OSBPL5: variants seen among roughly 807,000 people sequenced by gnomAD.
OSBPL5 encodes oxysterol-binding protein-related protein 5.
A neutral mutation model predicts 111.2 loss-of-function variants in OSBPL5; 71 were observed. The observed-to-expected ratio is 0.64, with a 90% CI of 0.53 to 0.78. The LOEUF is 0.78. OSBPL5 is among the 30% of genes least tolerant of loss of function. OSBPL5 has a pLI of 0.00. For synonymous variants in OSBPL5, 549 were observed against 513.9 expected, an observed-to-expected ratio of 1.07 and a Z score of -0.93; for missense variants, 1,210 against 1,189.3, an observed-to-expected ratio of 1.02 and a Z score of -0.26.
At chr11:3,132,875 C>T (rs11025546) in intron 1 of OSBPL5, among the ~76,000 whole-genome samples, 10,869 of 152,302 alleles carry the variant, frequency 0.071, 438 homozygotes, top group Admixed American at 0.096. Context: ...GCAGCCAAGG[C>T]AGGGACACGC....
Position 3,093,540 on chromosome 11 carries a change from G to C in OSBPL5, c.1933C>G (p.Leu645Val). 2 of 1,609,766 alleles carry C rather than the reference G, an allele frequency of 1.2e-6. No individual in the cohort carries two copies. Among genetic ancestry groups the C allele is most frequent in the East Asian group, 4.5e-5 (2 of 44,870 alleles). ...GACAGGCCTCACCTCTCGGACTCCA[G>C]CTCCGTCTGCTCCTCCAGCGGCACC... ...HTVPLEEQTE[L>V]ESERLWQHVT... The change falls in exon 17 of 22, where the codon CTG becomes GTG. Residue 645 changes from leucine (L) to valine (V), a missense_variant. Physicochemically the swap from Leu to Val is conservative, Grantham distance 32. Transcript: ENST00000263650.
At chr11:3,099,793 G>A (rs1357479996) in intron 14 of OSBPL5, among the ~76,000 whole-genome samples, 1 of 152,096 alleles carries the variant, frequency 6.6e-6, no homozygotes, top group Non-Finnish European at 1.5e-5. Flanking sequence ...GCGAGGCTGG[G>A]CGCGGTGGCT....
intron 7 of OSBPL5, among the ~76,000 whole-genome samples, chr11:3,119,279 G>T (rs1233861271): frequency 6.6e-6 from 1 of 152,216 alleles, no homozygotes; most frequent in Non-Finnish European, 1.5e-5. Flanking sequence ...CCAAAGTGCT[G>T]GGATTACAGG....
intron 1 of OSBPL5, among the ~76,000 whole-genome samples, chr11:3,133,588 A>G (rs1167468150): frequency 6.6e-6 from 1 of 152,104 alleles, no homozygotes; most frequent in Non-Finnish European, 1.5e-5. Context: ...CCCTGACACC[A>G]GCAGCACCTT....
intron 10 of OSBPL5, 56 bp from the exon 11 acceptor site, chr11:3,103,376 C>T: frequency 6.7e-7 from 1 of 1,492,450 alleles, no homozygotes; most frequent in Non-Finnish European, 9.1e-7. Flanking sequence ...GGCCACCCTC[C>T]CTTTCCCTGA....
intron 7 of OSBPL5, among the ~76,000 whole-genome samples, chr11:3,112,669 C>T (rs1447097153): frequency 6.6e-6 from 1 of 152,100 alleles, no homozygotes; most frequent in Non-Finnish European, 1.5e-5. Flanking sequence ...TCAGTGTGGG[C>T]TCTTCCCAGA....
chr11:3,156,499 C>T (rs970874571), intron 1 of OSBPL5, among the ~76,000 whole-genome samples: 5 of 152,102 alleles, frequency 3.3e-5, no homozygotes, highest in Admixed American at 6.5e-5. Flanking sequence ...GCCCAAAGCC[C>T]GCCTGGGAGT....
intron 7 of OSBPL5, among the ~76,000 whole-genome samples, chr11:3,114,621 CAG>C (rs959780082): frequency 4.9e-5 from 3 of 60,732 alleles, no homozygotes; most frequent in Admixed American, 2.4e-4. Flanking sequence ...TTTTTTTAGA[CAG>C]AGTCTCGCTC....
intron 1 of OSBPL5, among the ~76,000 whole-genome samples, chr11:3,132,149 G>A (rs1425651139): frequency 2.0e-5 from 3 of 151,794 alleles, no homozygotes; most frequent in African/African-American, 4.8e-5. Context: ...CTCACACTCA[G>A]ACACATCTGA....
intron 14 of OSBPL5, among the ~76,000 whole-genome samples, chr11:3,097,023 G>A (rs1252914466): frequency 1.7e-4 from 3 of 17,830 alleles, no homozygotes; most frequent in East Asian, 1.5e-3. Flanking sequence ...GACGGGAGGG[G>A]GAGGAGAGGA....
Position 3,105,915 on chromosome 11 carries a change from T to G in OSBPL5, c.1059+1348A>C, listed in dbSNP as rs978733569. Among the ~76,000 whole-genome samples the G allele has an allele frequency of 6.6e-6, 1 of 152,174 alleles. No homozygotes were observed. The highest frequency in any genetic ancestry group is 1.5e-5 in the Non-Finnish European group (1 of 68,026). Reference sequence around the variant, plus strand: ...CCTGAGTCTGCCCACTTCTCCCTTCTCCATCACAGCTGGGTCCAGGGTGTC... The same window carrying G: ...CCTGAGTCTGCCCACTTCTCCCTTCGCCATCACAGCTGGGTCCAGGGTGTC... On this transcript the variant is annotated intron_variant, in intron 9 of 21. Transcript: ENST00000263650. This position sits in a 1 kb window ranked among gnomAD's most constrained non-coding sequence, Gnocchi z 5.2.
At position 3,141,032 on chromosome 11, in the gene OSBPL5, A is replaced by C. The variant is rs570472890; in HGVS notation, c.-21-11863T>G. Among the ~76,000 whole-genome samples, 48 of 152,190 alleles carry C rather than the reference A, an allele frequency of 3.2e-4. No individual in the cohort carries two copies. Among genetic ancestry groups the C allele is most frequent in the Non-Finnish European group, 5.6e-4 (38 of 68,014 alleles). On this transcript the variant is annotated intron_variant, in intron 1 of 21. Transcript: ENST00000263650. This position sits in a 1 kb window ranked among gnomAD's most constrained non-coding sequence, Gnocchi z 6.5. ...TGGCAGGTAGGACCCTGGGGGCACC[A>C]ACTTGGGTGGGGGTCAGCCCAATGC...
intron 1 of OSBPL5, among the ~76,000 whole-genome samples, chr11:3,143,257 A>G (rs1590713156): frequency 7.2e-6 from 1 of 138,542 alleles, no homozygotes; most frequent in African/African-American, 2.7e-5. Flanking sequence ...GCAGGTGCGG[A>G]GCGGGGCAGA....
At chr11:3,148,130 G>T (rs1590723225) in intron 1 of OSBPL5, among the ~76,000 whole-genome samples, 1 of 152,230 alleles carries the variant, frequency 6.6e-6, no homozygotes, top group African/African-American at 2.4e-5. Context: ...AATGCCTCCT[G>T]GGGGAGTCTG....
chr11:3,132,163 G>A (rs1845832615), intron 1 of OSBPL5, among the ~76,000 whole-genome samples: 1 of 151,896 alleles, frequency 6.6e-6, no homozygotes, highest in South Asian at 2.1e-4. Flanking sequence ...CATCTGAGGT[G>A]GTATTCAAAT....
rs766968163 is a variant in OSBPL5 at position 3,093,750 on chromosome 11, T to C, written c.1805A>G (p.His602Arg). The change falls in exon 16 of 22, where the codon CAC becomes CGC. Residue 602 changes from histidine (H) to arginine (R), a missense_variant. By Grantham distance (29) the His-to-Arg change is conservative (BLOSUM62 0). Coordinates refer to ENST00000263650, the MANE Select transcript of OSBPL5 (RefSeq NM_020896.4). ...CCCTGAGGGACGGCCCCTTACCCAG[T>C]GGCCACTGAGGCTCGCCAGGACTTC... ...GEEVLASLSGHWDRDVFIKEE... is the reference protein window; with the variant it reads ...GEEVLASLSGRWDRDVFIKEE... The C allele has an allele frequency of 6.2e-7, 1 of 1,613,058 alleles. No homozygotes were observed. The highest frequency in any genetic ancestry group is 1.3e-5 in the African/African-American group (1 of 75,060).
At chr11:3,131,967 AT>A (rs1266797925) in intron 1 of OSBPL5, among the ~76,000 whole-genome samples, 31 of 27,674 alleles carry the variant, frequency 1.1e-3, no homozygotes, top group East Asian at 6.0e-3. Context: ...CCATCCATCC[AT>A]CCATCCACCC....
chr11:3,129,386 C>T (rs1298056362), intron 1 of OSBPL5: 2 of 381,604 alleles, frequency 5.2e-6, no homozygotes, highest in Non-Finnish European at 9.2e-6. Flanking sequence ...CTTTCCACGC[C>T]GGGCAGTAGG....
intron 7 of OSBPL5, among the ~76,000 whole-genome samples, chr11:3,119,274 G>T (rs1483821634): frequency 1.3e-5 from 2 of 152,064 alleles, no homozygotes; most frequent in Non-Finnish European, 2.9e-5. Flanking sequence ...GCTTGCCAAA[G>T]TGCTGGGATT....
Sources: gnomAD v4.1 joint callset for allele counts (sites outside exome capture counted in the v4.1 genomes callset) on GRCh38, gnomAD v4.1.1 for gene constraint, Gnocchi (gnomAD v3.1) non-coding constraint, MANE v1.5 for transcripts, NCBI Gene and HGNC (gene_info 2026-07-23, HGNC 2026-07-21) for gene names.